SVOPL: variants seen among roughly 807,000 people sequenced by gnomAD.
The protein encoded by SVOPL is putative transporter SVOPL.
In SVOPL, 60 loss-of-function variants were observed where a neutral mutation model predicts 61.0. The observed-to-expected ratio is 0.98, with a 90% CI of 0.80 to 1.22. The LOEUF (loss-of-function observed/expected upper bound fraction) is 1.22, where lower values mean the gene tolerates loss of function less well. Among genes scored for constraint, SVOPL ranks in the 50% most tolerant of loss-of-function variants. SVOPL has a pLI of 0.00. For missense variants in SVOPL, 662 were observed against 643.9 expected, an observed-to-expected ratio of 1.03 and a Z score of -0.30; for synonymous variants, 279 against 250.0, an observed-to-expected ratio of 1.12 and a Z score of -1.09.
chr7:138,644,785 T>C lies in SVOPL; in HGVS notation c.721A>G (p.Thr241Ala). The C allele has an allele frequency of 1.2e-6, 2 of 1,614,044 alleles. No individual in the cohort carries two copies. The highest frequency in any genetic ancestry group is 2.2e-5 in the South Asian group (2 of 91,066). The change falls in exon 9 of 16, where the codon ACT becomes GCT. Residue 241 changes from threonine (T) to alanine (A), a missense_variant. Thr to Ala is a moderately conservative substitution (Grantham distance 58, BLOSUM62 0). Transcript: ENST00000674285. ...TTCATCTTGGCAACGCGCTCCAGAG[T>C]GGCCAGGGCAGCCCGAGTGTTCCCA... ...STGNTRAALA[T>A]LERVAKMNRS...
chr7:138,663,556 T>G, intron 4 of SVOPL: 1 of 994,812 alleles, frequency 1.0e-6, no homozygotes, highest in Non-Finnish European at 1.2e-6. Flanking sequence ...GACATAACTT[T>G]AAACACCAAA....
At chr7:138,624,291 T>G (rs1799800919) in intron 13 of SVOPL, among the ~76,000 whole-genome samples, 2 of 152,244 alleles carry the variant, frequency 1.3e-5, no homozygotes, top group African/African-American at 4.8e-5. Flanking sequence ...CATAATTCTT[T>G]TATTTTGGCT....
chr7:138,659,914 A>G lies in SVOPL; in HGVS notation c.420T>C (p.Phe140=). Residue 140 remains phenylalanine, a synonymous_variant, in exon 6 of 16, where the codon TTT becomes TTC. Coordinates refer to ENST00000674285, the MANE Select transcript of SVOPL (RefSeq NM_001139456.2). The stretch of plus-strand genomic sequence containing the variant: ...AGCCCACCATCGTCCGCAGGAAGAC[A>G]AACCAGATGTACGAAGGAGCAAACG... ...LTSFAPSYIW[F]VFLRTMVGCG... is the part of the protein sequence containing the mutation. 6.4e-7 allele frequency: 1 copy of G among 1,551,590 alleles called. No homozygotes were observed. The highest frequency in any genetic ancestry group is 8.7e-7 in the Non-Finnish European group (1 of 1,146,998).
rs549384750 is a variant in SVOPL, at chr7:138,637,532, A to T, written c.789+7185T>A. Among the ~76,000 whole-genome samples, 67 of 141,880 alleles carry T rather than the reference A, an allele frequency of 4.7e-4. 2 individuals carry two copies. In the South Asian group the frequency reaches 0.014, roughly 30 times the overall value. 93.1% of individuals were successfully genotyped at this position (141,880 alleles called of 152,430 possible). ...TATAGATAGATAGATACACACACCT[A>T]CATACATACACACACACACCCCCCA... On this transcript the variant is annotated intron_variant, in intron 9 of 15. Transcript: ENST00000674285.
Position 138,679,027 on chromosome 7 carries a change from C to G in SVOPL, c.19G>C (p.Glu7Gln). Residue 7 changes from glutamate (E) to glutamine (Q), a missense_variant, in exon 2 of 16, where the codon GAG becomes CAG. Physicochemically the swap from Glu to Gln is conservative, Grantham distance 29 (BLOSUM62 2). Transcript: ENST00000674285. Reference sequence around the variant, plus strand: ...CGAAGGCTGAGGATCGTGACAGGCTCTGTTGGCTTGGTTGCCATCTTCTAA... The same window carrying G: ...CGAAGGCTGAGGATCGTGACAGGCTGTGTTGGCTTGGTTGCCATCTTCTAA... MATKPT[E>Q]PVTILSLRKL... The G allele has an allele frequency of 6.4e-7, 1 of 1,551,600 alleles. No individual in the cohort carries two copies. Among genetic ancestry groups the G allele is most frequent in the Non-Finnish European group, 8.7e-7 (1 of 1,146,966 alleles).
At chr7:138,597,897 G>T (rs142644213) in intron 14 of SVOPL, among the ~76,000 whole-genome samples, 1,694 of 152,214 alleles carry the variant, frequency 0.011, 37 homozygotes, top group African/African-American at 0.038. Flanking sequence ...GGTGGTGTGA[G>T]ACCCGGATGG....
At chr7:138,621,227 A>G (rs1799552492) in intron 13 of SVOPL, 92 bp from the exon 14 acceptor site, 1 of 992,790 alleles carries the variant, frequency 1.0e-6, no homozygotes, top group African/African-American at 1.6e-5. Flanking sequence ...CAGGTTTTGG[A>G]ATGCATAGAG....
chr7:138,680,676 T>C (rs1802681586), intron 1 of SVOPL, among the ~76,000 whole-genome samples: 1 of 152,026 alleles, frequency 6.6e-6, no homozygotes, highest in African/African-American at 2.4e-5. Context: ...CCTCCCGGGT[T>C]CATGCCATTC....
At chr7:138,671,433 C>T (rs1242637265) in intron 4 of SVOPL, among the ~76,000 whole-genome samples, 1 of 152,206 alleles carries the variant, frequency 6.6e-6, no homozygotes, top group Non-Finnish European at 1.5e-5. Flanking sequence ...CTGCAACCTC[C>T]TCCTCCCAGA....
chr7:138,689,114 G>T, intron 1 of SVOPL: 3 of 802,218 alleles, frequency 3.7e-6, no homozygotes, highest in Non-Finnish European at 6.7e-6. Flanking sequence ...GAAAAGCCAC[G>T]AAGTATCTGA....
At chr7:138,642,584 T>C (rs1437458643) in intron 9 of SVOPL, among the ~76,000 whole-genome samples, 2 of 151,944 alleles carry the variant, frequency 1.3e-5, no homozygotes, top group Non-Finnish European at 2.9e-5. Flanking sequence ...CCTAGCACTT[T>C]GGGAGCCTGA....
chr7:138,632,792 C>T (rs1800276002), intron 9 of SVOPL, among the ~76,000 whole-genome samples: 2 of 152,042 alleles, frequency 1.3e-5, no homozygotes, highest in Non-Finnish European at 2.9e-5. Flanking sequence ...CCTCAGTGCT[C>T]CTCAGTCCTG....
At chr7:138,660,745 C>G (rs936466171) in intron 5 of SVOPL, 109 of 985,238 alleles carry the variant, frequency 1.1e-4, no homozygotes, top group Non-Finnish European at 1.2e-4. Flanking sequence ...GTTCATGTTT[C>G]ATACTGCCAG....
chr7:138,668,468 T>G (rs1334412493), intron 4 of SVOPL, among the ~76,000 whole-genome samples: 1 of 152,038 alleles, frequency 6.6e-6, no homozygotes, highest in East Asian at 1.9e-4. Context: ...TCAATAAACC[T>G]CAGATGACTG....
chr7:138,620,937 T>C (rs1799535714), intron 14 of SVOPL, 109 bp downstream of exon 14: 1 of 1,016,632 alleles, frequency 9.8e-7, no homozygotes, highest in South Asian at 1.5e-5. Context: ...TCCAGAAAAC[T>C]CATGAAGTCA....
chr7:138,628,700 C>A (rs865785317), intron 10 of SVOPL, among the ~76,000 whole-genome samples: 9 of 152,218 alleles, frequency 5.9e-5, no homozygotes, highest in Admixed American at 3.9e-4. Context: ...TCCTTCTCAA[C>A]CCTTGGTATT....
chr7:138,654,887 A>ATTTT (rs1563122657), intron 7 of SVOPL, among the ~76,000 whole-genome samples: 1,395 of 93,802 alleles, frequency 0.015, 14 homozygotes, highest in African/African-American at 0.072. Context: ...TTTTTTTTTA[A>ATTTT]AAAAAAAAAG....
At chr7:138,639,914 G>GTT (rs71179710) in intron 9 of SVOPL, among the ~76,000 whole-genome samples, 2 of 148,052 alleles carry the variant, frequency 1.4e-5, no homozygotes, top group Admixed American at 6.7e-5. Flanking sequence ...CACTATGCCT[G>GTT]TTTTTTTTTT....
chr7:138,645,045 T>C (rs28620109), intron 8 of SVOPL, among the ~76,000 whole-genome samples, 200 bp from the exon 9 acceptor site: 24,113 of 152,142 alleles, frequency 0.16, 3,420 homozygotes, highest in East Asian at 0.37. Context: ...CTCCTTATCA[T>C]AGTCCCTTCC....
Sources: allele counts gnomAD v4.1 joint callset (sites outside exome capture counted in the v4.1 genomes callset), GRCh38; gene constraint gnomAD v4.1.1; transcripts MANE v1.5; gene names NCBI Gene and HGNC (gene_info 2026-07-23, HGNC 2026-07-21).